The following PLCB1 variants were observed in gnomAD, a reference collection of about 807,000 sequenced individuals.
PLCB1 encodes the protein 1-phosphatidylinositol 4,5-bisphosphate phosphodiesterase beta-1.
A neutral mutation model predicts 161.8 loss-of-function variants in PLCB1; 46 were observed. The observed-to-expected ratio is 0.28, with a 90% CI of 0.22 to 0.36. The LOEUF is 0.36. Ranked by LOEUF, PLCB1 falls within the 10% of genes least tolerant of loss-of-function variation. PLCB1 has a pLI of 1.00. For missense variants in PLCB1, 1,016 were observed against 1,472.5 expected (o/e 0.69, Z 5.07); for synonymous variants, 517 against 503.7 (o/e 1.03, Z -0.35).
chr20:8,411,450 T>A (rs1260012031), intron 3 of PLCB1, among the ~76,000 whole-genome samples: 1 of 152,032 alleles, frequency 6.6e-6, no homozygotes, highest in African/African-American at 2.4e-5. Flanking sequence ...TAAACAAGAG[T>A]GGGAACATTT....
At chr20:8,442,918 A>G (rs1327476836) in intron 3 of PLCB1, among the ~76,000 whole-genome samples, 12 of 152,110 alleles carry the variant, frequency 7.9e-5, no homozygotes, top group Non-Finnish European at 1.5e-5. Flanking sequence ...AGATTTCAGG[A>G]AAGTAGAAAA....
chr20:8,694,713 A>G (rs543345613), intron 10 of PLCB1, among the ~76,000 whole-genome samples: 11 of 152,370 alleles, frequency 7.2e-5, no homozygotes, highest in African/African-American at 2.6e-4. Context: ...ACATTCAACT[A>G]GTATTAATGA....
In PLCB1 at chr20:8,881,975, A is replaced by G. The variant is rs1049772195; in HGVS notation, c.*126A>G. Reference sequence around the variant, plus strand: ...ATCCCTTAGCCTAAAATCCACACCAAAGGGAGAGTTCCAGAGGAATCCATG... The same window carrying G: ...ATCCCTTAGCCTAAAATCCACACCAGAGGGAGAGTTCCAGAGGAATCCATG... On this transcript the variant is annotated 3_prime_UTR_variant, in exon 32 of 32. Coordinates refer to ENST00000338037, the MANE Select transcript of PLCB1 (RefSeq NM_015192.4). The G allele has an allele frequency of 4.8e-5, 31 of 651,778 alleles. No homozygotes were observed. Among genetic ancestry groups the G allele is most frequent in the East Asian group, 1.6e-4 (6 of 36,670 alleles). The allele number at this position is 651,778 out of a possible 1,614,324, so 40.4% of individuals were successfully genotyped here. A position where few individuals can be genotyped will look rare whatever the true frequency, so the allele number is the denominator to read the frequency against.
At position 8,788,720 on chromosome 20, in the gene PLCB1, A is replaced by G; in HGVS notation, c.3276A>G (p.Glu1092=). 1 of 1,598,350 alleles carries G rather than the reference A, an allele frequency of 6.3e-7. No homozygotes were observed. Among genetic ancestry groups the G allele is most frequent in the Non-Finnish European group, 8.6e-7 (1 of 1,168,358 alleles). Reference sequence around the variant, plus strand: ...AATCCAAAGACAAAAGTCAGATGGAAGAGTAAGTCAAAAGTGTCCCCTCTC... The same window carrying G: ...AATCCAAAGACAAAAGTCAGATGGAGGAGTAAGTCAAAAGTGTCCCCTCTC... The part of the protein sequence containing the change: ...EAKSKDKSQM[E]EEKTEMIRSY... The change falls in exon 29 of 32, where the codon GAA becomes GAG. Residue 1092 remains glutamate, a splice_region_variant and synonymous_variant. Transcript: ENST00000338037.
intron 3 of PLCB1, among the ~76,000 whole-genome samples, chr20:8,499,221 G>A (rs1306615116): frequency 6.6e-6 from 1 of 152,190 alleles, no homozygotes; most frequent in Non-Finnish European, 1.5e-5. Flanking sequence ...GTGCTTTTGG[G>A]ATATTTTAGG....
intron 11 of PLCB1, among the ~76,000 whole-genome samples, chr20:8,702,448 CAT>C (rs1978421012): frequency 6.6e-6 from 1 of 152,068 alleles, no homozygotes; most frequent in Admixed American, 6.5e-5. Flanking sequence ...ATGAGGAAAA[CAT>C]ATTAAATTAG....
At chr20:8,553,078 A>T (rs879626350) in intron 3 of PLCB1, among the ~76,000 whole-genome samples, 2 of 152,146 alleles carry the variant, frequency 1.3e-5, no homozygotes, top group African/African-American at 2.4e-5. Context: ...AGGGCTGAAG[A>T]TTTATAAGTT....
chr20:8,686,342 C>A (rs1395682497), intron 10 of PLCB1, among the ~76,000 whole-genome samples: 1 of 152,110 alleles, frequency 6.6e-6, no homozygotes, highest in African/African-American at 2.4e-5. Flanking sequence ...ATATTTAGGA[C>A]CACAAAACTC....
intron 23 of PLCB1, among the ~76,000 whole-genome samples, chr20:8,752,731 T>C (rs909903641): frequency 6.7e-6 from 1 of 150,268 alleles, no homozygotes; most frequent in African/African-American, 2.5e-5. Context: ...AGGTGGAGGT[T>C]GCAATGAGCC....
intron 3 of PLCB1, among the ~76,000 whole-genome samples, chr20:8,502,824 T>A (rs1983480213): frequency 6.6e-6 from 1 of 152,130 alleles, no homozygotes; most frequent in African/African-American, 2.4e-5. Context: ...TAGAGAGGAA[T>A]AAATTTGCAA....
chr20:8,134,489 A>T (rs79822484), intron 1 of PLCB1, among the ~76,000 whole-genome samples: 5,928 of 152,330 alleles, frequency 0.039, 144 homozygotes, highest in Middle Eastern at 0.11. Flanking sequence ...TGAGAATGAA[A>T]GTATTCTATG....
At chr20:8,463,146 A>AGTGTGTGTGTGTGTGT (rs11472638) in intron 3 of PLCB1, among the ~76,000 whole-genome samples, 7 of 144,784 alleles carry the variant, frequency 4.8e-5, no homozygotes, top group South Asian at 2.3e-4. Context: ...AGTACAGAGC[A>AGTGTGTGTGTGTGTGT]GTGTGTGTGT....
intron 3 of PLCB1, among the ~76,000 whole-genome samples, chr20:8,627,688 G>A (rs1988396076): frequency 6.6e-6 from 1 of 152,180 alleles, no homozygotes; most frequent in South Asian, 2.1e-4. Flanking sequence ...ATGACCCAAA[G>A]AATGCAACTT....
rs118002384 is a variant in PLCB1 at position 8,608,456 on chromosome 20, C to T, written c.247-19838C>T. On this transcript the variant is annotated intron_variant, in intron 3 of 31. Transcript: ENST00000338037. Reference sequence around the variant, plus strand: ...CTCTGGCTTCAAGGAAAAGGGTATACCCACAGGGCAAACTTGTTTTGCCTC... The same window carrying T: ...CTCTGGCTTCAAGGAAAAGGGTATATCCACAGGGCAAACTTGTTTTGCCTC... Among the ~76,000 whole-genome samples, 829 of 152,238 alleles carry T rather than the reference C, an allele frequency of 5.4e-3. 7 individuals carry two copies. The highest frequency in any genetic ancestry group is 0.043 in the East Asian group (222 of 5,176).
At chr20:8,192,179 A>C (rs757423169) in intron 2 of PLCB1, among the ~76,000 whole-genome samples, 2 of 152,042 alleles carry the variant, frequency 1.3e-5, no homozygotes, top group Non-Finnish European at 2.9e-5. Context: ...TATTGCAGTG[A>C]TAATTAGCAA....
At chr20:8,832,895 C>A (rs1296081855) in intron 31 of PLCB1, among the ~76,000 whole-genome samples, 1 of 152,170 alleles carries the variant, frequency 6.6e-6, no homozygotes, top group African/African-American at 2.4e-5. Context: ...ACCCTCATGT[C>A]GGCAGCTGGA....
Position 8,757,079 on chromosome 20 carries a change from A to G in PLCB1, c.2557A>G (p.Ser853Gly). ...TGGAGAAACACCATCAGAGGCTCCAAGTGAAGCGAGAACGACTCCAGCAGA... is the reference window on the plus strand; with the variant it reads ...TGGAGAAACACCATCAGAGGCTCCAGGTGAAGCGAGAACGACTCCAGCAGA... ...DPGETPSEAP[S>G]EARTTPAENG... The change falls in exon 24 of 32, where the codon AGT becomes GGT. Residue 853 changes from serine (S) to glycine (G), a missense_variant. Physicochemically the swap from Ser to Gly is moderately conservative, Grantham distance 56. Transcript: ENST00000338037. 1 of 1,610,754 alleles carries G rather than the reference A, an allele frequency of 6.2e-7. No homozygotes were observed. The highest frequency in any genetic ancestry group is 2.2e-5 in the East Asian group (1 of 44,798).
At chr20:8,713,890 G>A (rs1220566544) in intron 12 of PLCB1, among the ~76,000 whole-genome samples, 2 of 152,080 alleles carry the variant, frequency 1.3e-5, no homozygotes, top group Non-Finnish European at 2.9e-5. Context: ...CTGATTTGGG[G>A]ACTTCCTGAC....
intron 16 of PLCB1, among the ~76,000 whole-genome samples, chr20:8,726,896 A>G (rs1224262099): frequency 6.6e-6 from 1 of 152,158 alleles, no homozygotes; most frequent in Non-Finnish European, 1.5e-5. Flanking sequence ...AGAGATAGTC[A>G]GCACCTAGCA....
Sources: gnomAD v4.1 joint callset for allele counts (sites outside exome capture counted in the v4.1 genomes callset) on GRCh38, gnomAD v4.1.1 for gene constraint, MANE v1.5 for transcripts, NCBI Gene and HGNC (gene_info 2026-07-23, HGNC 2026-07-21) for gene names.